The following DPP6 variants were observed in gnomAD, a reference collection of about 807,000 sequenced individuals.
DPP6 encodes A-type potassium channel modulatory protein DPP6.
In DPP6, 69 loss-of-function variants were observed where a neutral mutation model predicts 122.6. That is an observed-to-expected ratio of 0.56 (90% CI 0.46 to 0.69). DPP6 has a LOEUF of 0.69. Ranked by LOEUF, DPP6 falls within the 30% of genes least tolerant of loss-of-function variation. The pLI is 0.00. For synonymous variants in DPP6, 418 were observed against 433.1 expected (o/e 0.97, Z 0.43); for missense variants, 928 against 1,116.9 (o/e 0.83, Z 2.41).
intron 8 of DPP6, among the ~76,000 whole-genome samples, chr7:154,765,271 C>T (rs1364914463): frequency 6.6e-6 from 1 of 152,158 alleles, no homozygotes; most frequent in Admixed American, 6.5e-5. Flanking sequence ...GAGCCTGTAT[C>T]CTCCTCACTG....
chr7:154,839,180 G>A (rs923118626), intron 16 of DPP6, among the ~76,000 whole-genome samples: 8 of 152,240 alleles, frequency 5.3e-5, no homozygotes, highest in Non-Finnish European at 1.0e-4. Flanking sequence ...AGCATTTGAT[G>A]TGTGTTACTA....
At chr7:154,670,944 G>A (rs1409904251) in intron 7 of DPP6, among the ~76,000 whole-genome samples, 1 of 152,190 alleles carries the variant, frequency 6.6e-6, no homozygotes, top group Admixed American at 6.5e-5. Flanking sequence ...CAGAGGTTTT[G>A]AAAAGCATAT....
intron 3 of DPP6, among the ~76,000 whole-genome samples, chr7:154,532,971 G>T (rs761036619): frequency 6.6e-6 from 1 of 152,124 alleles, no homozygotes; most frequent in Admixed American, 6.5e-5. Flanking sequence ...TGTCATTCTT[G>T]TACTCAGAAG....
rs2150483705 is a variant in DPP6, at chr7:154,062,129, TGA to T, written c.243+9070_243+9071del. 2.0e-5 allele frequency among the ~76,000 whole-genome samples: 2 copies of T among 99,006 alleles called. 1 individual carries two copies. The highest frequency in any genetic ancestry group is 5.6e-4 in the East Asian group (2 of 3,586). 65.0% of individuals were successfully genotyped at this position (99,006 alleles called of 152,430 possible). ...GACGCACCCCCCGCGAGGCGGGGAC[TGA>T]GAGCCAGACCCTCATCCCCCACCGG... On this transcript the variant is annotated intron_variant, in intron 1 of 25. Transcript: ENST00000377770.
chr7:153,790,171 C>T, the DPP6 span, among the ~76,000 whole-genome samples: 48 of 151,686 alleles, frequency 3.2e-4, 1 homozygote, highest in South Asian at 8.4e-3. Flanking sequence ...CTTAAAAGTC[C>T]GGGTGTGCTT....
At chr7:154,835,862 G>A (rs907443035) in intron 16 of DPP6, among the ~76,000 whole-genome samples, 10 of 152,190 alleles carry the variant, frequency 6.6e-5, no homozygotes, top group Non-Finnish European at 1.3e-4. Flanking sequence ...TCTTACAGCT[G>A]GGGGTGTCTC....
the DPP6 span, among the ~76,000 whole-genome samples, chr7:153,818,560 ATATAT>A: frequency 7.2e-5 from 11 of 152,284 alleles, no homozygotes; most frequent in East Asian, 1.9e-3. Context: ...AGGTTGCAAG[ATATAT>A]TGTATGGTGC....
intron 5 of DPP6, among the ~76,000 whole-genome samples, chr7:154,598,409 A>C (rs894672088): frequency 6.6e-6 from 1 of 152,182 alleles, no homozygotes; most frequent in African/African-American, 2.4e-5. Context: ...TATTTGTTGC[A>C]GACAGCCTTT....
At chr7:154,127,674 CACAA>C (rs1563226212) in intron 1 of DPP6, among the ~76,000 whole-genome samples, 7 of 148,162 alleles carry the variant, frequency 4.7e-5, no homozygotes, top group Non-Finnish European at 1.0e-4. Context: ...CACACACACA[CACAA>C]AACAGCTCTT....
intron 1 of DPP6, among the ~76,000 whole-genome samples, chr7:154,406,119 C>A (rs184643152): frequency 5.3e-5 from 8 of 152,086 alleles, no homozygotes; most frequent in Admixed American, 5.2e-4. Context: ...AATCTGGATG[C>A]TCATGGAGAA....
At chr7:153,876,635 T>C in the DPP6 span, among the ~76,000 whole-genome samples, 1 of 152,028 alleles carries the variant, frequency 6.6e-6, no homozygotes, top group Non-Finnish European at 1.5e-5. Context: ...ATTTACCCAA[T>C]AGAACAGCAA....
chr7:153,883,987 C>T (rs1241841910), upstream of DPP6, among the ~76,000 whole-genome samples: 1 of 152,026 alleles, frequency 6.6e-6, no homozygotes, highest in Admixed American at 6.6e-5. Context: ...TTATTTGTTT[C>T]TTTTTTTGGG....
intron 1 of DPP6, among the ~76,000 whole-genome samples, chr7:154,398,272 C>T (rs536290372): frequency 2.0e-4 from 31 of 152,236 alleles, no homozygotes; most frequent in Non-Finnish European, 2.8e-4. Flanking sequence ...ATGAGGAAAC[C>T]GAGGGGCAGA....
At chr7:153,828,365 T>G in the DPP6 span, among the ~76,000 whole-genome samples, 1 of 152,134 alleles carries the variant, frequency 6.6e-6, no homozygotes, top group African/African-American at 2.4e-5. Context: ...GTGGGATTAA[T>G]GACCCAAAAT....
chr7:154,720,447 C>A (rs141341423), intron 7 of DPP6, among the ~76,000 whole-genome samples: 1 of 152,194 alleles, frequency 6.6e-6, no homozygotes, highest in African/African-American at 2.4e-5. Context: ...GTTTGGGAGA[C>A]CTGAGCATTT....
Position 154,242,526 on chromosome 7 carries a change from G to C in DPP6, c.243+189463G>C, listed in dbSNP as rs186302624. On this transcript the variant is annotated intron_variant, in intron 1 of 25. Transcript: ENST00000377770. ...CCTGGCATAAACAACTCTAAAGCTG[G>C]TAAAATGTGCATGACAAATGTTTTA... Among the ~76,000 whole-genome samples the C allele has an allele frequency of 3.3e-5, 5 of 152,294 alleles. No individual in the cohort carries two copies. In the East Asian group the frequency reaches 9.6e-4, roughly 29 times the overall value.
the DPP6 span, among the ~76,000 whole-genome samples, chr7:153,773,035 G>T: frequency 2.1e-5 from 3 of 144,796 alleles, no homozygotes; most frequent in African/African-American, 7.5e-5. Flanking sequence ...ATATATAAAA[G>T]TCTTTGATAT....
At chr7:154,078,081 A>G (rs1019208607) in intron 1 of DPP6, among the ~76,000 whole-genome samples, 2 of 152,086 alleles carry the variant, frequency 1.3e-5, no homozygotes, top group African/African-American at 4.8e-5. Flanking sequence ...TCCTTCCTTC[A>G]TGATCTCAAC....
chr7:154,581,915 G>T (rs1832099315), intron 5 of DPP6, among the ~76,000 whole-genome samples: 1 of 152,134 alleles, frequency 6.6e-6, no homozygotes, highest in Non-Finnish European at 1.5e-5. Context: ...CAGGATTTTT[G>T]ACTATTGTCC....
Sources: gnomAD v4.1 joint callset for allele counts (sites outside exome capture counted in the v4.1 genomes callset) on GRCh38, gnomAD v4.1.1 for gene constraint, MANE v1.5 for transcripts, NCBI Gene and HGNC (gene_info 2026-07-23, HGNC 2026-07-21) for gene names.